Variants in TNS1 observed in about 807,000 individuals in gnomAD.
The protein encoded by TNS1 is tensin 1, also known as tensin-1.
A neutral mutation model predicts 168.6 loss-of-function variants in TNS1; 62 were observed. That is an observed-to-expected ratio of 0.37 (90% CI 0.30 to 0.45). The LOEUF (loss-of-function observed/expected upper bound fraction) is 0.45, where lower values mean the gene tolerates loss of function less well. Among genes scored for constraint, TNS1 ranks in the 20% least tolerant of loss-of-function variants. TNS1 has a pLI of 1.00. For synonymous variants in TNS1, 934 were observed against 933.2 expected (o/e 1.00, Z -0.02); for missense variants, 2,240 against 2,339.4 (o/e 0.96, Z 0.88).
intron 18 of TNS1, among the ~76,000 whole-genome samples, chr2:217,858,800 T>A (rs1174558596): frequency 6.6e-6 from 1 of 151,934 alleles, no homozygotes; most frequent in Non-Finnish European, 1.5e-5. Context: ...GATAAAACTG[T>A]CTGTAATTTC....
rs1035717178 is a variant in TNS1 at position 217,948,118 on chromosome 2, G to A, written c.187-27882C>T. 9.9e-5 allele frequency among the ~76,000 whole-genome samples: 15 copies of A among 152,264 alleles called. No homozygotes were observed. The highest frequency in any genetic ancestry group is 2.9e-4 in the African/African-American group (12 of 41,560). On this transcript the variant is annotated intron_variant, in intron 3 of 32. Transcript: ENST00000682258. This position sits in a 1 kb window ranked among gnomAD's most constrained non-coding sequence, Gnocchi z 4.1. ...ACCTCCGGAGGGCACCACATCACCC[G>A]ACTCCCACACTCAAGGAGCCAGACT...
intron 3 of TNS1, among the ~76,000 whole-genome samples, chr2:217,957,622 A>C (rs2125993039): frequency 6.6e-6 from 1 of 152,328 alleles, no homozygotes; most frequent in East Asian, 1.9e-4. Flanking sequence ...CCTGATTCAA[A>C]GAAACCAATC....
intron 22 of TNS1, among the ~76,000 whole-genome samples, chr2:217,824,530 C>T (rs948989748): frequency 2.0e-5 from 3 of 152,208 alleles, no homozygotes; most frequent in Non-Finnish European, 2.9e-5. Context: ...GCAAGGGGCA[C>T]AGTCAGCCAA....
At chr2:217,937,262 T>G (rs564174530) in intron 3 of TNS1, 2 of 345,348 alleles carry the variant, frequency 5.8e-6, no homozygotes, top group Admixed American at 7.6e-5. Context: ...TGGCATAGGG[T>G]GGATGCCCTC....
At chr2:217,982,106 C>T (rs1399189076) in intron 2 of TNS1, among the ~76,000 whole-genome samples, 1 of 152,172 alleles carries the variant, frequency 6.6e-6, no homozygotes, top group African/African-American at 2.4e-5. Context: ...CTGGGGGAAG[C>T]CAGTGACCAT....
intron 6 of TNS1, among the ~76,000 whole-genome samples, chr2:217,906,068 C>T (rs1575031410): frequency 6.6e-6 from 1 of 152,226 alleles, no homozygotes; most frequent in South Asian, 2.1e-4. Flanking sequence ...CCACTCATCA[C>T]ACACCCTCTC....
At chr2:217,900,706 G>A in intron 6 of TNS1, 194 bp from the exon 7 acceptor site, 1 of 618,992 alleles carries the variant, frequency 1.6e-6, no homozygotes, top group Non-Finnish European at 2.8e-6. Flanking sequence ...CCACGTGAGT[G>A]TGCCTGCCTG....
intron 3 of TNS1, among the ~76,000 whole-genome samples, chr2:217,924,563 C>T (rs1955911270): frequency 6.6e-6 from 1 of 152,130 alleles, no homozygotes; most frequent in Admixed American, 6.5e-5. Context: ...TGATTCAAGG[C>T]CTAAAGAAAG....
At chr2:218,025,603 C>T (rs567902840) in intron 1 of TNS1, among the ~76,000 whole-genome samples, 1 of 151,290 alleles carries the variant, frequency 6.6e-6, no homozygotes, top group Admixed American at 6.6e-5. Flanking sequence ...CAGACCCCCC[C>T]ACAGGCTTGT....
Position 217,815,045 on chromosome 2 carries a change from A to T in TNS1, c.4643-47T>A, listed in dbSNP as rs1053042998. The T allele has an allele frequency of 2.7e-6, 4 of 1,500,746 alleles. No individual in the cohort carries two copies. The African/African-American group carries it at 5.5e-5, about 21-fold the overall frequency. The allele number at this position is 1,500,746 out of a possible 1,614,324, so 93.0% of individuals were successfully genotyped here. Reference sequence around the variant, plus strand: ...AAGTGTTATGGGTTAAATTGTGTTCACCCAAAACATACATCAAAGTCCTGG... The same window carrying T: ...AAGTGTTATGGGTTAAATTGTGTTCTCCCAAAACATACATCAAAGTCCTGG... On this transcript the variant is annotated intron_variant, in intron 24 of 32. Transcript: ENST00000682258.
chr2:217,957,659 G>C (rs1957399065), intron 3 of TNS1, among the ~76,000 whole-genome samples: 1 of 152,074 alleles, frequency 6.6e-6, no homozygotes, highest in Non-Finnish European at 1.5e-5. Flanking sequence ...GAGATAATTA[G>C]AGAAAATTGA....
intron 22 of TNS1, chr2:217,829,833 A>G: frequency 6.2e-7 from 1 of 1,614,090 alleles, no homozygotes; most frequent in Non-Finnish European, 8.5e-7. Flanking sequence ...GTCACAGCAA[A>G]TGCTACTTAC....
chr2:217,935,246 G>A (rs1956544953), intron 3 of TNS1, among the ~76,000 whole-genome samples: 1 of 152,240 alleles, frequency 6.6e-6, no homozygotes, highest in East Asian at 1.9e-4. Flanking sequence ...ACAGTGAAGG[G>A]GCACTGGACT....
chr2:217,886,163 G>C (rs1265381692), intron 13 of TNS1, 59 bp from the exon 14 acceptor site: 1 of 1,567,588 alleles, frequency 6.4e-7, no homozygotes, highest in Non-Finnish European at 8.8e-7. Flanking sequence ...AGGAGGGGCA[G>C]AGGAGACAGT....
intron 30 of TNS1, among the ~76,000 whole-genome samples, chr2:217,809,345 A>G (rs868558933): frequency 0.057 from 1,137 of 19,872 alleles, no homozygotes; most frequent in Middle Eastern, 0.15. Context: ...GGATGGATGG[A>G]TGCATGGATG....
chr2:217,842,400 A>G (rs1946097419), intron 19 of TNS1, among the ~76,000 whole-genome samples: 1 of 152,062 alleles, frequency 6.6e-6, no homozygotes, highest in South Asian at 2.1e-4. Flanking sequence ...ATAAAGAGCA[A>G]CTCCATTCTT....
At chr2:217,980,535 A>AGAGAGAGAGAGAGAGG (rs1559398475) in intron 2 of TNS1, among the ~76,000 whole-genome samples, 7 of 149,248 alleles carry the variant, frequency 4.7e-5, no homozygotes, top group African/African-American at 1.8e-4. Context: ...AGAGAGAGAG[A>AGAGAGAGAGAGAGAGG]GAGAGAGAGA....
intron 22 of TNS1, among the ~76,000 whole-genome samples, chr2:217,823,496 G>A (rs1412382407): frequency 6.6e-6 from 1 of 152,216 alleles, no homozygotes; most frequent in East Asian, 1.9e-4. Context: ...AGCCTTTGCT[G>A]CATAGGGGCA....
chr2:217,821,674 C>A, intron 23 of TNS1, 66 bp downstream of exon 23: 1 of 1,383,078 alleles, frequency 7.2e-7, no homozygotes, highest in Non-Finnish European at 9.4e-7. Flanking sequence ...CAGGAGGCCT[C>A]ACCCATCCCG....
Sources: gnomAD v4.1 joint callset for allele counts (sites outside exome capture counted in the v4.1 genomes callset) on GRCh38, gnomAD v4.1.1 for gene constraint, Gnocchi (gnomAD v3.1) non-coding constraint, MANE v1.5 for transcripts, NCBI Gene and HGNC (gene_info 2026-07-23, HGNC 2026-07-21) for gene names.